The following KRTAP5-10 variants were observed in gnomAD, a reference collection of about 807,000 sequenced individuals.
KRTAP5-10 encodes the protein keratin associated protein 5-10.
A neutral mutation model predicts 1.6 loss-of-function variants in KRTAP5-10; 1 was observed. The observed-to-expected ratio is 0.64, with a 90% CI of 0.23 to 3.04. The LOEUF (loss-of-function observed/expected upper bound fraction) is 3.04. KRTAP5-10 is among the 30% of genes most tolerant of loss of function. The pLI, the probability that KRTAP5-10 is intolerant of heterozygous loss-of-function variation, is 0.21. For missense variants in KRTAP5-10, 219 were observed against 255.2 expected (o/e 0.86, Z 0.97); for synonymous variants, 76 against 102.0 (o/e 0.75, Z 1.54).
Position 71,566,541 on chromosome 11 carries a change from G to A in KRTAP5-10, c.*345G>A, listed in dbSNP as rs1950192574. On this transcript the variant is annotated 3_prime_UTR_variant, in exon 1 of 1. Transcript: ENST00000398531. ...GACCCCACAAGGCCAGGCCAATGTT[G>A]CTCAGTGATCACTAAGAACCAGCTT... 2 of 394,492 alleles carry A rather than the reference G, an allele frequency of 5.1e-6. No individual in the cohort carries two copies. Among genetic ancestry groups the A allele is most frequent in the South Asian group, 6.5e-5 (2 of 30,636 alleles). The allele number at this position is 394,492 out of a possible 1,614,324, so 24.4% of individuals were successfully genotyped here.
Position 71,565,634 on chromosome 11 carries a change from G to A in KRTAP5-10, c.47G>A (p.Gly16Asp), listed in dbSNP as rs772967800. 2.1e-5 allele frequency: 32 copies of A among 1,548,814 alleles called. No homozygotes were observed. Among genetic ancestry groups the A allele is most frequent in the Non-Finnish European group, 3.5e-6 (4 of 1,143,416 alleles). The change falls in exon 1 of 1, where the codon GGT becomes GAT. Residue 16 changes from glycine (G) to aspartate (D), a missense_variant. Gly to Asp is a moderately conservative substitution (Grantham distance 94). Transcript: ENST00000398531. ...GGAGGCTGTGGCTCCGGCTGTGGGG[G>A]TTGTGGCTCCGGCTGTGGGGGCTGT... is the stretch of plus-strand genomic sequence containing the variant. ...CSGGCGSGCG[G>D]CGSGCGGCGS...
chr11:71,565,951 G>C lies in KRTAP5-10; in HGVS notation c.364G>C (p.Gly122Arg). 1.3e-6 allele frequency: 2 copies of C among 1,542,702 alleles called. No individual in the cohort carries two copies. The highest frequency in any genetic ancestry group is 2.5e-5 in the East Asian group (1 of 40,466). ...GGCGSCGGSK[G>R]GCGSCGGSKG... ...CTGTGGCTCCTGTGGGGGCTCCAAA[G>C]GTGGCTGTGGTTCCTGTGGGGGCTC... The change falls in exon 1 of 1, where the codon GGT (glycine) becomes CGT (arginine). Residue 122 changes from glycine to arginine, a missense_variant. Gly to Arg is a moderately radical substitution (Grantham distance 125). Transcript: ENST00000398531.
chr11:71,566,322 C>A lies in KRTAP5-10; in HGVS notation c.*126C>A. On this transcript the variant is annotated 3_prime_UTR_variant, in exon 1 of 1. Coordinates refer to ENST00000398531, the MANE Select transcript of KRTAP5-10 (RefSeq NM_001012710.2). ...CCCCTTCTCCAGCTCATCATCCATG[C>A]ACGCACCTCCTTCCATGGCTCAGCT... 2 of 1,401,092 alleles carry A rather than the reference C, an allele frequency of 1.4e-6. No individual in the cohort carries two copies. The highest frequency in any genetic ancestry group is 2.0e-6 in the Non-Finnish European group (2 of 1,009,900). 86.8% of individuals were successfully genotyped at this position (1,401,092 alleles called of 1,614,324 possible). A position where few individuals can be genotyped will look rare whatever the true frequency, so the allele number is the denominator to read the frequency against.
In KRTAP5-10 at chr11:71,566,061, C is replaced by T. The variant is rs767722588; in HGVS notation, c.474C>T (p.Cys158=). The T allele has an allele frequency of 2.5e-6, 4 of 1,611,492 alleles. No individual in the cohort carries two copies. The highest frequency in any genetic ancestry group is 3.4e-6 in the Non-Finnish European group (4 of 1,179,684). ...CCCSSGCGSC[C]QSSCCNPCCC... is the part of the protein sequence containing the mutation. ...GCTCCTCAGGCTGTGGATCCTGCTGCCAGTCCAGCTGCTGCAATCCCTGCT... is the reference window on the plus strand; with the variant it reads ...GCTCCTCAGGCTGTGGATCCTGCTGTCAGTCCAGCTGCTGCAATCCCTGCT... Residue 158 remains cysteine, a synonymous_variant, in exon 1 of 1, where the codon TGC becomes TGT. Coordinates refer to ENST00000398531, the MANE Select transcript of KRTAP5-10 (RefSeq NM_001012710.2).
chr11:71,566,362 GC>G lies in KRTAP5-10; in HGVS notation c.*168del. The G allele has an allele frequency of 9.2e-7, 1 of 1,085,590 alleles. No homozygotes were observed. The highest frequency in any genetic ancestry group is 2.5e-5 in the East Asian group (1 of 39,668). 67.2% of individuals were successfully genotyped at this position (1,085,590 alleles called of 1,614,324 possible). A position where few individuals can be genotyped will look rare whatever the true frequency, so the allele number is the denominator to read the frequency against. ...ATGGCTCAGCTCTCCACTGGGCCCT[GC>G]CTTCAGCCTCCTCACTCCGGAAATG... On this transcript the variant is annotated 3_prime_UTR_variant, in exon 1 of 1. Transcript: ENST00000398531.
In KRTAP5-10 at chr11:71,565,771, T is replaced by C; in HGVS notation, c.184T>C (p.Ser62Pro). 7 of 1,560,492 alleles carry C rather than the reference T, an allele frequency of 4.5e-6. No individual in the cohort carries two copies. Among genetic ancestry groups the C allele is most frequent in the Non-Finnish European group, 6.1e-6 (7 of 1,151,960 alleles). Reference protein sequence around the residue: ...VCCCVPACSCSSCGSCGGSKG... With the variant: ...VCCCVPACSCPSCGSCGGSKG... ...CTGCTGTGTGCCAGCCTGTTCCTGC[T>C]CCAGCTGTGGCTCCTGTGGGGGCTC... Residue 62 changes from serine (S) to proline (P), a missense_variant, in exon 1 of 1, where the codon TCC becomes CCC. Coordinates refer to ENST00000398531, the MANE Select transcript of KRTAP5-10 (RefSeq NM_001012710.2).
chr11:71,566,599 G>T lies in KRTAP5-10; in HGVS notation c.*403G>T. 4.9e-6 allele frequency: 1 copy of T among 203,224 alleles called. No individual in the cohort carries two copies. Among genetic ancestry groups the T allele is most frequent in the East Asian group, 1.3e-4 (1 of 7,688 alleles). 12.6% of individuals were successfully genotyped at this position (203,224 alleles called of 1,614,324 possible). On this transcript the variant is annotated 3_prime_UTR_variant, in exon 1 of 1. Coordinates refer to ENST00000398531, the MANE Select transcript of KRTAP5-10 (RefSeq NM_001012710.2). ...ACCATTGGGACCCTGGATCCTCCAGGGCCGCTCGCTGCCTGTTCTCCAGTG... is the reference window on the plus strand; with the variant it reads ...ACCATTGGGACCCTGGATCCTCCAGTGCCGCTCGCTGCCTGTTCTCCAGTG...
chr11:71,566,069 G>A lies in KRTAP5-10; in HGVS notation c.482G>A (p.Ser161Asn), dbSNP rs201208859. The change falls in exon 1 of 1, where the codon AGC (serine) becomes AAC (asparagine). Residue 161 changes from serine (S) to asparagine (N), a missense_variant. By Grantham distance (46) the Ser-to-Asn change is conservative. This residue lies in a region of KRTAP5-10 where 124 missense variants were observed against 127.2 expected (regional missense o/e 0.98). Transcript: ENST00000398531. ...SSGCGSCCQS[S>N]CCNPCCCQSS... ...GGCTGTGGATCCTGCTGCCAGTCCA[G>A]CTGCTGCAATCCCTGCTGCTGCCAG... 2 of 1,611,368 alleles carry A rather than the reference G, an allele frequency of 1.2e-6. No homozygotes were observed. The highest frequency in any genetic ancestry group is 2.2e-5 in the East Asian group (1 of 44,856).
Position 71,566,575 on chromosome 11 carries a change from C to A in KRTAP5-10, c.*379C>A. ...TCACTAAGAACCAGCTTCTCAACCA[C>A]CATTGGGACCCTGGATCCTCCAGGG... On this transcript the variant is annotated 3_prime_UTR_variant, in exon 1 of 1. Transcript: ENST00000398531. 3.5e-6 allele frequency: 1 copy of A among 285,126 alleles called. No homozygotes were observed. The highest frequency in any genetic ancestry group is 6.9e-6 in the Non-Finnish European group (1 of 145,530). 17.7% of individuals were successfully genotyped at this position (285,126 alleles called of 1,614,324 possible).
chr11:71,566,055 C>T lies in KRTAP5-10; in HGVS notation c.468C>T (p.Ser156=). 6.2e-7 allele frequency: 1 copy of T among 1,611,588 alleles called. No homozygotes were observed. The highest frequency in any genetic ancestry group is 8.5e-7 in the Non-Finnish European group (1 of 1,179,758). Reference sequence around the variant, plus strand: ...GCTGCTGCTCCTCAGGCTGTGGATCCTGCTGCCAGTCCAGCTGCTGCAATC... The same window carrying T: ...GCTGCTGCTCCTCAGGCTGTGGATCTTGCTGCCAGTCCAGCTGCTGCAATC... The part of the protein sequence containing the change: ...KPCCCSSGCG[S]CCQSSCCNPC... The change falls in exon 1 of 1, where the codon TCC becomes TCT. Residue 156 remains serine (S), a synonymous_variant. Coordinates refer to ENST00000398531, the MANE Select transcript of KRTAP5-10 (RefSeq NM_001012710.2).
Position 71,566,123 on chromosome 11 carries a change from A to G in KRTAP5-10, c.536A>G (p.Gln179Arg). ...QSSCCVPVCCQSSCCKPCCCQ... is the reference protein window; with the variant it reads ...QSSCCVPVCCRSSCCKPCCCQ... ...AGCTGCTGTGTCCCCGTGTGCTGCCAGTCTAGCTGCTGCAAGCCCTGCTGC... is the reference window on the plus strand; with the variant it reads ...AGCTGCTGTGTCCCCGTGTGCTGCCGGTCTAGCTGCTGCAAGCCCTGCTGC... The change falls in exon 1 of 1, where the codon CAG (glutamine) becomes CGG (arginine). Residue 179 changes from glutamine (Q) to arginine (R), a missense_variant. Gln to Arg is a conservative substitution (Grantham distance 43, BLOSUM62 1). This residue lies in a region of KRTAP5-10 where 124 missense variants were observed against 127.2 expected (regional missense o/e 0.98). Coordinates refer to ENST00000398531, the MANE Select transcript of KRTAP5-10 (RefSeq NM_001012710.2). 2.5e-6 allele frequency: 4 copies of G among 1,612,914 alleles called. No homozygotes were observed. The highest frequency in any genetic ancestry group is 1.7e-5 in the Admixed American group (1 of 59,998).
At position 71,566,171 on chromosome 11, in the gene KRTAP5-10, C is replaced by G. The variant is rs779331967; in HGVS notation, c.584C>G (p.Pro195Arg). ...PCCCQSSCCV[P>R]VCCQCKI ...TGCTGTCAGTCCAGCTGCTGTGTCCCCGTGTGCTGCCAGTGTAAGATCTGA... is the reference window on the plus strand; with the variant it reads ...TGCTGTCAGTCCAGCTGCTGTGTCCGCGTGTGCTGCCAGTGTAAGATCTGA... Residue 195 changes from proline (P) to arginine (R), a missense_variant, in exon 1 of 1, where the codon CCC becomes CGC. Transcript: ENST00000398531. 6.2e-7 allele frequency: 1 copy of G among 1,614,154 alleles called. No homozygotes were observed. The highest frequency in any genetic ancestry group is 8.5e-7 in the Non-Finnish European group (1 of 1,179,994).
rs1950190843 is a variant in KRTAP5-10, at chr11:71,566,219, G to T, written c.*23G>T. ...TGAGGCTCTGAACCCAGACCTTCAGGTTTCACCTGTTTGGTGAAAGCATTT... is the reference window on the plus strand; with the variant it reads ...TGAGGCTCTGAACCCAGACCTTCAGTTTTCACCTGTTTGGTGAAAGCATTT... On this transcript the variant is annotated 3_prime_UTR_variant, in exon 1 of 1. Coordinates refer to ENST00000398531, the MANE Select transcript of KRTAP5-10 (RefSeq NM_001012710.2). 1 of 1,613,506 alleles carries T rather than the reference G, an allele frequency of 6.2e-7. No individual in the cohort carries two copies. Among genetic ancestry groups the T allele is most frequent in the Non-Finnish European group, 8.5e-7 (1 of 1,179,498 alleles).
At position 71,566,162 on chromosome 11, in the gene KRTAP5-10, G is replaced by C. The variant is rs371326844; in HGVS notation, c.575G>C (p.Cys192Ser). 1.4e-5 allele frequency: 22 copies of C among 1,614,174 alleles called. No individual in the cohort carries two copies. Among genetic ancestry groups the C allele is most frequent in the Non-Finnish European group, 1.9e-5 (22 of 1,180,012 alleles). Residue 192 changes from cysteine (C) to serine (S), a missense_variant, in exon 1 of 1, where the codon TGC becomes TCC. Transcript: ENST00000398531. ...AAGCCCTGCTGCTGTCAGTCCAGCT[G>C]CTGTGTCCCCGTGTGCTGCCAGTGT... ...CCKPCCCQSS[C>S]CVPVCCQCKI is the part of the protein sequence containing the mutation.
rs754876263 is a variant in KRTAP5-10, at chr11:71,565,914, C to T, written c.327C>T (p.Gly109=). Residue 109 remains glycine (G), a synonymous_variant, in exon 1 of 1, where the codon GGC becomes GGT. Coordinates refer to ENST00000398531, the MANE Select transcript of KRTAP5-10 (RefSeq NM_001012710.2). ...AGGGGGGCTGTGGTTCTTGTGGGGG[C>T]TCCAAGGGGGGCTGTGGCTCCTGTG... ...GSKGGCGSCG[G]SKGGCGSCGG... is the part of the protein sequence containing the mutation. 75 of 1,438,970 alleles carry T rather than the reference C, an allele frequency of 5.2e-5. No individual in the cohort carries two copies. The highest frequency in any genetic ancestry group is 6.9e-5 in the Non-Finnish European group (74 of 1,074,928). The allele number at this position is 1,438,970 out of a possible 1,614,324, so 89.1% of individuals were successfully genotyped here. A position where few individuals can be genotyped will look rare whatever the true frequency, so the allele number is the denominator to read the frequency against.
Position 71,565,981 on chromosome 11 carries a change from G to T in KRTAP5-10, c.394G>T (p.Gly132Trp), listed in dbSNP as rs1591160523. Reference sequence around the variant, plus strand: ...CTGTGGTTCCTGTGGGGGCTCCAAGGGGGGCTGTGGTTCTTGTGGCTGCTC... The same window carrying T: ...CTGTGGTTCCTGTGGGGGCTCCAAGTGGGGCTGTGGTTCTTGTGGCTGCTC... The part of the protein sequence containing the change: ...GGCGSCGGSK[G>W]GCGSCGCSQC... Residue 132 changes from glycine to tryptophan, a missense_variant, in exon 1 of 1, where the codon GGG becomes TGG. Gly to Trp is a radical substitution (Grantham distance 184). Coordinates refer to ENST00000398531, the MANE Select transcript of KRTAP5-10 (RefSeq NM_001012710.2). 1 of 1,609,476 alleles carries T rather than the reference G, an allele frequency of 6.2e-7. No homozygotes were observed. The highest frequency in any genetic ancestry group is 1.4e-5 in the African/African-American group (1 of 73,666).
Position 71,566,347 on chromosome 11 carries a change from T to C in KRTAP5-10, c.*151T>C, listed in dbSNP as rs1950191595. 2 of 1,202,122 alleles carry C rather than the reference T, an allele frequency of 1.7e-6. No homozygotes were observed. The highest frequency in any genetic ancestry group is 4.3e-5 in the Admixed American group (2 of 46,948). 74.5% of individuals were successfully genotyped at this position (1,202,122 alleles called of 1,614,324 possible). ...CACGCACCTCCTTCCATGGCTCAGCTCTCCACTGGGCCCTGCCTTCAGCCT... is the reference window on the plus strand; with the variant it reads ...CACGCACCTCCTTCCATGGCTCAGCCCTCCACTGGGCCCTGCCTTCAGCCT... On this transcript the variant is annotated 3_prime_UTR_variant, in exon 1 of 1. Transcript: ENST00000398531.
In KRTAP5-10 at chr11:71,566,148, C is replaced by T. The variant is rs766625737; in HGVS notation, c.561C>T (p.Cys187=). ...CCQSSCCKPC[C]CQSSCCVPVC... is the part of the protein sequence containing the mutation. Reference sequence around the variant, plus strand: ...AGTCTAGCTGCTGCAAGCCCTGCTGCTGTCAGTCCAGCTGCTGTGTCCCCG... The same window carrying T: ...AGTCTAGCTGCTGCAAGCCCTGCTGTTGTCAGTCCAGCTGCTGTGTCCCCG... Residue 187 remains cysteine (C), a synonymous_variant, in exon 1 of 1, where the codon TGC becomes TGT. Coordinates refer to ENST00000398531, the MANE Select transcript of KRTAP5-10 (RefSeq NM_001012710.2). 1 of 1,614,046 alleles carries T rather than the reference C, an allele frequency of 6.2e-7. No individual in the cohort carries two copies. The highest frequency in any genetic ancestry group is 1.7e-5 in the Admixed American group (1 of 60,030).
chr11:71,566,619 C>T lies in KRTAP5-10; in HGVS notation c.*423C>T, dbSNP rs539220182. 7 of 211,098 alleles carry T rather than the reference C, an allele frequency of 3.3e-5. No individual in the cohort carries two copies. In the South Asian group the frequency reaches 8.5e-4, roughly 26 times the overall value. 13.1% of individuals were successfully genotyped at this position (211,098 alleles called of 1,614,324 possible). On this transcript the variant is annotated 3_prime_UTR_variant, in exon 1 of 1. Transcript: ENST00000398531. ...TCCAGGGCCGCTCGCTGCCTGTTCT[C>T]CAGTGGCCACCTGTGACCAGGAAGG...
Sources: allele counts gnomAD v4.1 joint callset, GRCh38; gene constraint gnomAD v4.1.1; regional missense constraint gnomAD v4.1.1; transcripts MANE v1.5; gene names NCBI Gene and HGNC (gene_info 2026-07-23, HGNC 2026-07-21).